CACNG2: variants seen among roughly 807,000 people sequenced by gnomAD.
The protein encoded by CACNG2 is calcium voltage-gated channel auxiliary subunit gamma 2, also known as voltage-dependent calcium channel gamma-2 subunit.
In CACNG2, 3 loss-of-function variants were observed where a neutral mutation model predicts 25.9. The ratio of observed to expected loss-of-function variants is 0.12; its 90% confidence interval spans 0.05 to 0.30. The LOEUF (loss-of-function observed/expected upper bound fraction) is 0.30, where lower values mean the gene tolerates loss of function less well. Among genes scored for constraint, CACNG2 ranks in the 10% least tolerant of loss-of-function variants. The pLI, the probability that CACNG2 is intolerant of heterozygous loss-of-function variation, is 1.00. For missense variants in CACNG2, 341 were observed against 432.5 expected (o/e 0.79, Z 1.88); for synonymous variants, 167 against 173.3 (o/e 0.96, Z 0.29).
chr22:36,587,073 T>A (rs1229989470), intron 2 of CACNG2, among the ~76,000 whole-genome samples: 1 of 151,784 alleles, frequency 6.6e-6, no homozygotes, highest in Non-Finnish European at 1.5e-5. Context: ...GGGCTGAGAA[T>A]ATAATGGTGA....
At chr22:36,572,563 G>T (rs549213621) in intron 2 of CACNG2, among the ~76,000 whole-genome samples, 1 of 152,118 alleles carries the variant, frequency 6.6e-6, no homozygotes, top group Non-Finnish European at 1.5e-5. Flanking sequence ...TTAGCCCGGC[G>T]TGGTGGCGCA....
intron 1 of CACNG2, among the ~76,000 whole-genome samples, chr22:36,697,439 C>T (rs1937354646): frequency 6.6e-6 from 1 of 152,172 alleles, no homozygotes; most frequent in Admixed American, 6.5e-5. Flanking sequence ...TGGAGGCTTG[C>T]AGAGGGCACA....
chr22:36,655,804 T>C (rs1569042569), intron 1 of CACNG2, among the ~76,000 whole-genome samples: 1 of 150,900 alleles, frequency 6.6e-6, no homozygotes, highest in Admixed American at 6.6e-5. Flanking sequence ...TTCTTTCTTC[T>C]TTCTTTCTTT....
At chr22:36,664,150 AT>A (rs1936839801) in intron 1 of CACNG2, among the ~76,000 whole-genome samples, 1 of 117,830 alleles carries the variant, frequency 8.5e-6, no homozygotes. Context: ...TGAGTCAGGA[AT>A]TGCAAGGTAC....
Position 36,703,478 on chromosome 22 carries a change from C to T in CACNG2, c.-902G>A, listed in dbSNP as rs921800562. The T allele has an allele frequency of 5.9e-5, 9 of 152,432 alleles. No individual in the cohort carries two copies. Among genetic ancestry groups the T allele is most frequent in the African/African-American group, 2.2e-4 (9 of 41,424 alleles). The allele number at this position is 152,432 out of a possible 1,614,324, so 9.4% of individuals were successfully genotyped here. ...GTGGGCCGCGCGCCTGCCCCCCACT[C>T]GCTACCGGCTGGGCGCCCGCGGAGG... On this transcript the variant is annotated 5_prime_UTR_variant, in exon 1 of 4. Transcript: ENST00000300105.
chr22:36,699,950 A>G (rs1033000900), intron 1 of CACNG2, among the ~76,000 whole-genome samples: 13 of 152,238 alleles, frequency 8.5e-5, no homozygotes, highest in African/African-American at 3.1e-4. Flanking sequence ...CAAAGCTCCA[A>G]TTGACAGAGG....
intron 3 of CACNG2, among the ~76,000 whole-genome samples, chr22:36,565,152 C>T (rs1031536677): frequency 1.2e-4 from 18 of 152,226 alleles, no homozygotes; most frequent in South Asian, 4.1e-4. Context: ...TTTCACAAGG[C>T]GCTGAGTAAC....
chr22:36,689,534 GGTCTGACCATTCTTTGA>G (rs1156647202), intron 1 of CACNG2, among the ~76,000 whole-genome samples: 6 of 152,162 alleles, frequency 3.9e-5, no homozygotes, highest in Non-Finnish European at 1.5e-5. Flanking sequence ...AGTTAATTCA[GGTCTGACCATTCTTTGA>G]GATTCAAACG....
chr22:36,680,066 T>G (rs1425103340), intron 1 of CACNG2, among the ~76,000 whole-genome samples: 3 of 143,450 alleles, frequency 2.1e-5, no homozygotes, highest in African/African-American at 7.5e-5. Flanking sequence ...ACCACCACCA[T>G]CATTATCACC....
intron 1 of CACNG2, among the ~76,000 whole-genome samples, chr22:36,690,929 G>A (rs1253887051): frequency 6.6e-6 from 1 of 152,154 alleles, no homozygotes; most frequent in Non-Finnish European, 1.5e-5. Context: ...TTGTGATGGG[G>A]CCTCTGCCCA....
At chr22:36,599,832 C>T (rs1935728279) in intron 1 of CACNG2, among the ~76,000 whole-genome samples, 1 of 152,124 alleles carries the variant, frequency 6.6e-6, no homozygotes. Context: ...TTCTTTATTC[C>T]CTGCTGTGAC....
chr22:36,668,248 C>T (rs1293921193), intron 1 of CACNG2, among the ~76,000 whole-genome samples: 1 of 152,260 alleles, frequency 6.6e-6, no homozygotes, highest in African/African-American at 2.4e-5. Context: ...GCCAGAGCTT[C>T]AGGCGATCCA....
chr22:36,613,473 T>C (rs1265524866), intron 1 of CACNG2, among the ~76,000 whole-genome samples: 3 of 152,202 alleles, frequency 2.0e-5, no homozygotes, highest in African/African-American at 7.2e-5. Flanking sequence ...TTTCTTGATG[T>C]GCCGTCTTCC....
rs1935035291 is a variant in CACNG2, at chr22:36,561,952, A to G, written c.*2399T>C. 1 of 152,268 alleles carries G rather than the reference A, an allele frequency of 6.6e-6. No individual in the cohort carries two copies. The highest frequency in any genetic ancestry group is 1.5e-5 in the Non-Finnish European group (1 of 68,094). The allele number at this position is 152,268 out of a possible 1,614,324, so 9.4% of individuals were successfully genotyped here. On this transcript the variant is annotated 3_prime_UTR_variant, in exon 4 of 4. Coordinates refer to ENST00000300105, the MANE Select transcript of CACNG2 (RefSeq NM_006078.5). Reference sequence around the variant, plus strand: ...GAGCCCTCCCAGTAAACCTCAGAGGATCCTCTTTTTCACAGACCCCCAAAG... The same window carrying G: ...GAGCCCTCCCAGTAAACCTCAGAGGGTCCTCTTTTTCACAGACCCCCAAAG...
intron 1 of CACNG2, among the ~76,000 whole-genome samples, chr22:36,674,263 C>G (rs573108111): frequency 6.6e-6 from 1 of 152,390 alleles, no homozygotes; most frequent in East Asian, 1.9e-4. Flanking sequence ...CCACCTCCCA[C>G]TTCCTCAGCA....
intron 1 of CACNG2, among the ~76,000 whole-genome samples, chr22:36,605,559 A>G (rs1467503294): frequency 6.6e-6 from 1 of 152,212 alleles, no homozygotes; most frequent in Admixed American, 6.5e-5. Flanking sequence ...ACCTGGGTCC[A>G]CATTCTAGTT....
chr22:36,592,393 G>A (rs1270432202), intron 1 of CACNG2, among the ~76,000 whole-genome samples: 1 of 151,928 alleles, frequency 6.6e-6, no homozygotes, highest in East Asian at 1.9e-4. Flanking sequence ...AGTGGAGGGG[G>A]TGTGGATATT....
intron 1 of CACNG2, among the ~76,000 whole-genome samples, chr22:36,628,270 A>G (rs1220648296): frequency 6.6e-6 from 1 of 152,248 alleles, no homozygotes; most frequent in East Asian, 1.9e-4. Flanking sequence ...TAGCATATGC[A>G]GAGACAAAAT....
At chr22:36,673,940 C>G (rs892781378) in intron 1 of CACNG2, among the ~76,000 whole-genome samples, 2 of 152,162 alleles carry the variant, frequency 1.3e-5, no homozygotes, top group Admixed American at 6.5e-5. Flanking sequence ...TAATTGAGGG[C>G]GGCCGGGGTG....
Sources: gnomAD v4.1 joint callset for allele counts (sites outside exome capture counted in the v4.1 genomes callset) on GRCh38, gnomAD v4.1.1 for gene constraint, MANE v1.5 for transcripts, NCBI Gene and HGNC (gene_info 2026-07-23, HGNC 2026-07-21) for gene names.